Variants in ANK2 observed in about 807,000 individuals in gnomAD.
ANK2 encodes the protein ankyrin-2.
In ANK2, 83 loss-of-function variants were observed where a neutral mutation model predicts 360.5. That is an observed-to-expected ratio of 0.23 (90% confidence interval 0.19 to 0.28). ANK2 has a LOEUF of 0.28. Among genes scored for constraint, ANK2 ranks in the 10% least tolerant of loss-of-function variants. The pLI is 1.00. For missense variants in ANK2, 4,201 were observed against 4,795.7 expected (o/e 0.88, Z 3.66); for synonymous variants, 1,740 against 1,759.5 (o/e 0.99, Z 0.28).
At chr4:112,817,512 G>C (rs1338971553), upstream of ANK2, among the ~76,000 whole-genome samples, 1 of 152,056 alleles carries the variant, frequency 6.6e-6, no homozygotes, top group East Asian at 1.9e-4. Flanking sequence ...TCTCAAAATA[G>C]AATTATTGTG....
the ANK2 span, among the ~76,000 whole-genome samples, chr4:112,761,712 T>G: frequency 6.6e-6 from 1 of 152,224 alleles, no homozygotes; most frequent in Non-Finnish European, 1.5e-5. Flanking sequence ...CTTTCAATAA[T>G]AAATGCCTAC....
At chr4:113,130,031 T>A (rs2154377237) in intron 1 of ANK2, among the ~76,000 whole-genome samples, 1 of 152,344 alleles carries the variant, frequency 6.6e-6, no homozygotes, top group East Asian at 1.9e-4. Flanking sequence ...AACTAAGACA[T>A]GCCATAAATC....
chr4:112,987,029 G>A (rs1010353731), intron 2 of ANK2, among the ~76,000 whole-genome samples: 4 of 152,182 alleles, frequency 2.6e-5, no homozygotes, highest in Non-Finnish European at 4.4e-5. Flanking sequence ...TAGCTGATGA[G>A]CTAAAACACA....
At chr4:113,318,974 G>A (rs889408657) in intron 26 of ANK2, among the ~76,000 whole-genome samples, 19 of 152,266 alleles carry the variant, frequency 1.2e-4, no homozygotes, top group Middle Eastern at 6.8e-3. Context: ...TTTCTAGAAA[G>A]TTTCTATTTA....
chr4:113,160,716 C>A (rs1249787282), intron 1 of ANK2, among the ~76,000 whole-genome samples: 1 of 152,172 alleles, frequency 6.6e-6, no homozygotes, highest in Non-Finnish European at 1.5e-5. Context: ...CCTTGGAGGG[C>A]CAGGCCAACT....
At chr4:112,978,640 G>C (rs554031551) in intron 2 of ANK2, among the ~76,000 whole-genome samples, 3 of 152,060 alleles carry the variant, frequency 2.0e-5, no homozygotes, top group Non-Finnish European at 1.5e-5. Flanking sequence ...CGACCTTGTG[G>C]CATGTATCTG....
chr4:112,937,038 C>T (rs1022024589), intron 2 of ANK2, among the ~76,000 whole-genome samples: 1 of 151,990 alleles, frequency 6.6e-6, no homozygotes. Context: ...GCAATCCTCC[C>T]GCCTCTGCCT....
chr4:113,373,355 G>A lies in ANK2; in HGVS notation c.11765G>A (p.Gly3922Glu), dbSNP rs2154074772. Residue 3922 changes from glycine to glutamate, a missense_variant, in exon 45 of 46, where the codon GGA (glycine) becomes GAA (glutamate). Around this residue, in one of 4 missense-constraint regions of ANK2, gnomAD observed 2,642 missense variants for 2,714.5 expected, o/e 0.97. Coordinates refer to ENST00000357077, the MANE Select transcript of ANK2 (RefSeq NM_001148.6). ...GTEKEEIMVQ[G>E]MPQEPVNIEE... ...GAGAAAGAAGAGATTATGGTGCAGG[G>A]AATGCCACAGGAACCTGTCAACATC... The A allele has an allele frequency of 1.2e-6, 2 of 1,614,168 alleles. No homozygotes were observed. Among genetic ancestry groups the A allele is most frequent in the Admixed American group, 3.3e-5 (2 of 60,024 alleles).
At chr4:113,334,578 C>A (rs1031708929) in intron 29 of ANK2, among the ~76,000 whole-genome samples, 2 of 141,546 alleles carry the variant, frequency 1.4e-5, no homozygotes, top group Admixed American at 7.0e-5. Context: ...TAATCTATTA[C>A]TAGAAAGTTA....
chr4:112,996,026 A>G (rs2048381224), intron 2 of ANK2, among the ~76,000 whole-genome samples: 1 of 152,232 alleles, frequency 6.6e-6, no homozygotes. Context: ...TTCTATGCAG[A>G]TACTTATAGC....
At chr4:112,914,058 C>G (rs1357761688) in intron 2 of ANK2, among the ~76,000 whole-genome samples, 2 of 151,954 alleles carry the variant, frequency 1.3e-5, no homozygotes, top group Non-Finnish European at 2.9e-5. Flanking sequence ...ATTTTTATTA[C>G]CCTCCTTTTG....
the ANK2 span, among the ~76,000 whole-genome samples, chr4:112,757,696 A>C: frequency 1.3e-5 from 2 of 152,198 alleles, no homozygotes; most frequent in Admixed American, 1.3e-4. Context: ...TGAAATCATG[A>C]AGCTTTTGAC....
chr4:112,850,449 T>C (rs1306003105), intron 1 of ANK2, among the ~76,000 whole-genome samples: 3 of 139,602 alleles, frequency 2.1e-5, no homozygotes, highest in African/African-American at 2.7e-5. Flanking sequence ...TCGTTTCTTT[T>C]TTTTTTTTTT....
chr4:112,854,290 C>T lies in ANK2; in HGVS notation c.-40+36026C>T, dbSNP rs868559640. ...GCTTGGAAATACAGGATGGATCTTT[C>T]GGAGGAAAATATGTGAGTGAAAGAC... On this transcript the variant is annotated intron_variant, in intron 1 of 30. Coordinates refer to the ANK2 transcript ENST00000503271. 1.2e-4 allele frequency among the ~76,000 whole-genome samples: 19 copies of T among 152,030 alleles called. No individual in the cohort carries two copies. In the South Asian group the frequency reaches 1.5e-3, roughly 12 times the overall value.
At chr4:113,041,333 A>G (rs989380947) in intron 2 of ANK2, among the ~76,000 whole-genome samples, 2 of 152,120 alleles carry the variant, frequency 1.3e-5, no homozygotes, top group African/African-American at 4.8e-5. Context: ...ATGTGCTGCA[A>G]TAAGCACACA....
chr4:113,107,121 T>C (rs1173730239), intron 1 of ANK2, among the ~76,000 whole-genome samples: 1 of 152,222 alleles, frequency 6.6e-6, no homozygotes, highest in Non-Finnish European at 1.5e-5. Flanking sequence ...AAAATGACTA[T>C]AAATAGCTCT....
chr4:113,191,783 C>T (rs1274095511), intron 2 of ANK2, among the ~76,000 whole-genome samples: 1 of 152,156 alleles, frequency 6.6e-6, no homozygotes, highest in Non-Finnish European at 1.5e-5. Context: ...CAAAGTAGGA[C>T]ATTTCCCTTT....
At chr4:113,275,937 GTTTTTTTTTTTT>G (rs557950582) in intron 15 of ANK2, among the ~76,000 whole-genome samples, 5 of 118,870 alleles carry the variant, frequency 4.2e-5, no homozygotes, top group African/African-American at 1.6e-4. Context: ...GTTAAACAGT[GTTTTTTTTTTTT>G]TTTTTTTTTT....
the ANK2 span, among the ~76,000 whole-genome samples, chr4:112,733,999 TC>T: frequency 6.6e-6 from 1 of 152,234 alleles, no homozygotes; most frequent in Non-Finnish European, 1.5e-5. Flanking sequence ...GGTCTCGAAC[TC>T]CTGGCCTCAG....
Sources: allele counts gnomAD v4.1 joint callset (sites outside exome capture counted in the v4.1 genomes callset), GRCh38; gene constraint gnomAD v4.1.1; regional missense constraint gnomAD v4.1.1; transcripts MANE v1.5; gene names NCBI Gene and HGNC (gene_info 2026-07-23, HGNC 2026-07-21).